GBP7: variants seen among roughly 807,000 people sequenced by gnomAD.
GBP7 encodes guanylate binding protein 7, also known as guanylate-binding protein 7.
GBP7 carries 43 observed loss-of-function variants against 61.3 expected under a neutral mutation model. The observed-to-expected ratio is 0.70, with a 90% CI of 0.55 to 0.91. GBP7 has a LOEUF of 0.91. GBP7 is among the 40% of genes least tolerant of loss of function. The pLI is 0.00. For synonymous variants in GBP7, 267 were observed against 271.0 expected, an observed-to-expected ratio of 0.99 and a Z score of 0.14; for missense variants, 717 against 740.5, an observed-to-expected ratio of 0.97 and a Z score of 0.37.
chr1:89,166,684 C>T (rs1239289517), intron 2 of GBP7, among the ~76,000 whole-genome samples: 1 of 152,230 alleles, frequency 6.6e-6, no homozygotes, highest in Non-Finnish European at 1.5e-5. Flanking sequence ...GAAAAGCTCT[C>T]GCACACACTT....
chr1:89,150,048 A>G (rs923490929), intron 6 of GBP7, among the ~76,000 whole-genome samples: 31 of 152,350 alleles, frequency 2.0e-4, no homozygotes, highest in Non-Finnish European at 3.1e-4. Context: ...TGCACAGGTA[A>G]CATGTTCATG....
intron 1 of GBP7, among the ~76,000 whole-genome samples, chr1:89,173,375 C>A (rs1647658793): frequency 6.6e-6 from 1 of 152,158 alleles, no homozygotes; most frequent in Admixed American, 6.5e-5. Flanking sequence ...CAGTTCCAAT[C>A]CAACACATCT....
chr1:89,156,459 A>G (rs540778561), intron 3 of GBP7, among the ~76,000 whole-genome samples: 138 of 152,344 alleles, frequency 9.1e-4, no homozygotes, highest in African/African-American at 3.1e-3. Context: ...CAAGAGACCC[A>G]TCTCATGAGC....
intron 1 of GBP7, among the ~76,000 whole-genome samples, chr1:89,174,959 A>AATCATGC (rs1454517721): frequency 6.6e-6 from 1 of 152,208 alleles, no homozygotes; most frequent in Non-Finnish European, 1.5e-5. Flanking sequence ...GCACAATTGT[A>AATCATGC]ATCATGCTAT....
rs1298609727 is a variant in GBP7 at position 89,150,464 on chromosome 1, A to G, written c.737T>C (p.Leu246Ser). The G allele has an allele frequency of 3.1e-6, 5 of 1,614,030 alleles. No homozygotes were observed. Among genetic ancestry groups the G allele is most frequent in the Non-Finnish European group, 3.4e-6 (4 of 1,179,994 alleles). ...FDRPINDKKL[L>S]LHVEEVREDQ... ...TTCTCGTACTTCTTCAACATGGAGT[A>G]AGAGTTTTTTGTCATTTATTGGCCG... The change falls in exon 6 of 11, where the codon TTA (leucine) becomes TCA (serine). Residue 246 changes from leucine (L) to serine (S), a missense_variant. By Grantham distance (145) the Leu-to-Ser change is moderately radical (BLOSUM62 -2). Around this residue, in one of 3 missense-constraint regions of GBP7, gnomAD observed 387 missense variants for 385.2 expected, o/e 1.00. Coordinates refer to ENST00000294671, the MANE Select transcript of GBP7 (RefSeq NM_207398.3).
chr1:89,151,480 A>G (rs1682197549), intron 5 of GBP7, among the ~76,000 whole-genome samples: 1 of 152,240 alleles, frequency 6.6e-6, no homozygotes, highest in African/African-American at 2.4e-5. Flanking sequence ...AGATTATATT[A>G]GGTCTAACAT....
chr1:89,160,580 C>T (rs369785551), intron 3 of GBP7, among the ~76,000 whole-genome samples: 1 of 151,910 alleles, frequency 6.6e-6, no homozygotes, highest in Admixed American at 6.6e-5. Flanking sequence ...TTCATAGGGT[C>T]GTTGTATGAT....
chr1:89,160,960 A>G (rs1316683094), intron 3 of GBP7, among the ~76,000 whole-genome samples: 1 of 151,946 alleles, frequency 6.6e-6, no homozygotes, highest in African/African-American at 2.4e-5. Flanking sequence ...GATAGGCTCC[A>G]ATGTGTGTTG....
At chr1:89,171,633 A>G (rs1009128569) in intron 2 of GBP7, 113 bp downstream of exon 2, 13 of 872,670 alleles carry the variant, frequency 1.5e-5, no homozygotes, top group Admixed American at 5.1e-5. Flanking sequence ...ATTCAAAGTT[A>G]GCTATCAATA....
intron 8 of GBP7, among the ~76,000 whole-genome samples, 196 bp from the exon 9 acceptor site, chr1:89,141,844 T>C (rs577141632): frequency 6.6e-6 from 1 of 152,312 alleles, no homozygotes; most frequent in African/African-American, 2.4e-5. Context: ...AAACCCTGTG[T>C]AGCAGCCTCC....
intron 3 of GBP7, among the ~76,000 whole-genome samples, chr1:89,159,892 C>G (rs1682397466): frequency 6.6e-6 from 1 of 152,126 alleles, no homozygotes. Flanking sequence ...AATCACGCTA[C>G]TATAAAGACA....
At chr1:89,151,167 A>G (rs918925631) in intron 5 of GBP7, among the ~76,000 whole-genome samples, 3 of 152,132 alleles carry the variant, frequency 2.0e-5, no homozygotes, top group Admixed American at 6.6e-5. Flanking sequence ...CCCACCCTAT[A>G]TAACTTCAAG....
intron 9 of GBP7, among the ~76,000 whole-genome samples, chr1:89,134,018 G>A (rs184601261): frequency 1.1e-4 from 16 of 152,246 alleles, no homozygotes; most frequent in Admixed American, 2.0e-4. Flanking sequence ...CTTGCCTGTG[G>A]GACAGATCCA....
At chr1:89,166,396 GAA>G (rs1283554726) in intron 2 of GBP7, among the ~76,000 whole-genome samples, 1 of 152,176 alleles carries the variant, frequency 6.6e-6, no homozygotes, top group African/African-American at 2.4e-5. Flanking sequence ...ATAAAATCTT[GAA>G]ATGTAGTTGA....
intron 9 of GBP7, among the ~76,000 whole-genome samples, chr1:89,136,720 TAAC>T (rs1403089986): frequency 6.6e-6 from 1 of 151,934 alleles, no homozygotes; most frequent in Non-Finnish European, 1.5e-5. Flanking sequence ...TATCTCAAAT[TAAC>T]AATCTAACAT....
chr1:89,168,734 A>G (rs1647510374), intron 2 of GBP7, among the ~76,000 whole-genome samples: 1 of 152,114 alleles, frequency 6.6e-6, no homozygotes, highest in African/African-American at 2.4e-5. Flanking sequence ...CAGGAGTTCA[A>G]GACCAGCCTG....
chr1:89,139,988 G>A (rs1252583551), intron 9 of GBP7, among the ~76,000 whole-genome samples: 7 of 151,882 alleles, frequency 4.6e-5, no homozygotes, highest in Non-Finnish European at 8.8e-5. Context: ...AAGACACATG[G>A]ACACATATGT....
At chr1:89,162,103 T>C (rs1177697663) in intron 3 of GBP7, among the ~76,000 whole-genome samples, 1 of 151,880 alleles carries the variant, frequency 6.6e-6, no homozygotes, top group East Asian at 1.9e-4. Context: ...TCTTAAATTC[T>C]GGGTTATCTG....
Position 89,132,038 on chromosome 1 carries a change from A to G in GBP7, c.*111T>C. ...TTGTTTTTATGAACTTCAGGCCATA[A>G]TATTCTTTGAAATTTGCTTTTTAAT... On this transcript the variant is annotated 3_prime_UTR_variant, in exon 11 of 11. Coordinates refer to ENST00000294671, the MANE Select transcript of GBP7 (RefSeq NM_207398.3). The G allele has an allele frequency of 1.2e-6, 1 of 809,022 alleles. No individual in the cohort carries two copies. 50.1% of individuals were successfully genotyped at this position (809,022 alleles called of 1,614,324 possible).
Sources: allele counts gnomAD v4.1 joint callset (sites outside exome capture counted in the v4.1 genomes callset), GRCh38; gene constraint gnomAD v4.1.1; regional missense constraint gnomAD v4.1.1; transcripts MANE v1.5; gene names NCBI Gene and HGNC (gene_info 2026-07-23, HGNC 2026-07-21).